VWC2: variants seen among roughly 807,000 people sequenced by gnomAD.
VWC2 encodes the protein von Willebrand factor C domain containing 2.
VWC2 carries 14 observed loss-of-function variants against 29.8 expected under a neutral mutation model. That is an observed-to-expected ratio of 0.47 (90% CI 0.31 to 0.74). The LOEUF is 0.74. Ranked by LOEUF, VWC2 falls within the 30% of genes least tolerant of loss-of-function variation. The pLI is 0.05. For missense variants in VWC2, 457 were observed against 459.8 expected (o/e 0.99, Z 0.05); for synonymous variants, 213 against 199.0 (o/e 1.07, Z -0.59).
At chr7:49,888,995 T>C (rs757937523) in intron 3 of VWC2, among the ~76,000 whole-genome samples, 14 of 152,034 alleles carry the variant, frequency 9.2e-5, no homozygotes, top group African/African-American at 2.7e-4. Flanking sequence ...GGATGACCCA[T>C]TGGGCTGACG....
chr7:49,904,307 A>T (rs1464659275), intron 3 of VWC2, among the ~76,000 whole-genome samples: 1 of 152,206 alleles, frequency 6.6e-6, no homozygotes, highest in Non-Finnish European at 1.5e-5. Flanking sequence ...TCACTCCTGT[A>T]TTATTCTATA....
At chr7:49,789,240 AGT>A (rs111613744) in intron 2 of VWC2, among the ~76,000 whole-genome samples, 140 of 130,262 alleles carry the variant, frequency 1.1e-3, no homozygotes, top group African/African-American at 2.7e-3. Flanking sequence ...TGTGTGAAAG[AGT>A]GTAGGTGTGG....
chr7:49,827,781 C>G (rs1789438822), intron 3 of VWC2, among the ~76,000 whole-genome samples: 1 of 152,110 alleles, frequency 6.6e-6, no homozygotes, highest in Non-Finnish European at 1.5e-5. Context: ...ATTGGTATAG[C>G]CTTCTCTGGA....
At chr7:49,848,505 A>G (rs2128715661) in intron 3 of VWC2, among the ~76,000 whole-genome samples, 1 of 152,296 alleles carries the variant, frequency 6.6e-6, no homozygotes, top group East Asian at 1.9e-4. Flanking sequence ...ACTGTTGCTC[A>G]GTGAGCCCAG....
At chr7:49,789,164 T>C (rs377042468) in intron 2 of VWC2, among the ~76,000 whole-genome samples, 1 of 144,948 alleles carries the variant, frequency 6.9e-6, no homozygotes, top group East Asian at 2.0e-4. Context: ...TGTGGCTGTA[T>C]GTGTGTGTTA....
chr7:49,821,970 A>G (rs1789271029), intron 3 of VWC2, among the ~76,000 whole-genome samples: 1 of 152,208 alleles, frequency 6.6e-6, no homozygotes, highest in African/African-American at 2.4e-5. Flanking sequence ...AAATATTCTT[A>G]TAAACCCATC....
chr7:49,845,493 G>A (rs935312600), intron 3 of VWC2, among the ~76,000 whole-genome samples: 1 of 152,138 alleles, frequency 6.6e-6, no homozygotes, highest in Non-Finnish European at 1.5e-5. Context: ...AAAAAACACT[G>A]AAATGTAGAA....
chr7:49,831,812 A>C (rs1427307011), intron 3 of VWC2, among the ~76,000 whole-genome samples: 1 of 152,196 alleles, frequency 6.6e-6, no homozygotes, highest in Non-Finnish European at 1.5e-5. Context: ...TTTTTACAAT[A>C]ATAAAAGACT....
chr7:49,904,668 A>T (rs1300064932), intron 3 of VWC2, among the ~76,000 whole-genome samples: 1 of 152,158 alleles, frequency 6.6e-6, no homozygotes, highest in African/African-American at 2.4e-5. Context: ...TACCTATTAC[A>T]AGAGCAGTAA....
intron 3 of VWC2, among the ~76,000 whole-genome samples, chr7:49,895,566 C>T (rs1348449560): frequency 6.6e-6 from 1 of 152,156 alleles, no homozygotes; most frequent in African/African-American, 2.4e-5. Flanking sequence ...AGCATTATAT[C>T]CTATAGCAAT....
At chr7:49,821,528 G>A (rs939667341) in intron 3 of VWC2, among the ~76,000 whole-genome samples, 1 of 152,020 alleles carries the variant, frequency 6.6e-6, no homozygotes, top group East Asian at 1.9e-4. Context: ...CTACTACATT[G>A]ACTCCAATAG....
rs1390455191 is a variant in VWC2, at chr7:49,917,443, T to C, written c.*5258T>C. 1 of 152,204 alleles carries C rather than the reference T, an allele frequency of 6.6e-6. No individual in the cohort carries two copies. Among genetic ancestry groups the C allele is most frequent in the Non-Finnish European group, 1.5e-5 (1 of 68,026 alleles). The allele number at this position is 152,204 out of a possible 1,614,324, so 9.4% of individuals were successfully genotyped here. ...AAATGTGCTCTCAGTGCTTGGCCCATGAGCAGTTTATGATTTAAGACGTGC... is the reference window on the plus strand; with the variant it reads ...AAATGTGCTCTCAGTGCTTGGCCCACGAGCAGTTTATGATTTAAGACGTGC... On this transcript the variant is annotated 3_prime_UTR_variant, in exon 4 of 4. Coordinates refer to ENST00000340652, the MANE Select transcript of VWC2 (RefSeq NM_198570.5).
intron 3 of VWC2, among the ~76,000 whole-genome samples, chr7:49,872,751 C>CAAAAAA (rs34987652): frequency 4.5e-4 from 55 of 122,060 alleles, no homozygotes; most frequent in Non-Finnish European, 7.6e-4. Flanking sequence ...ACAAAAAATA[C>CAAAAAA]AAAAAAAAAA....
intron 3 of VWC2, among the ~76,000 whole-genome samples, chr7:49,824,939 T>C (rs1489817997): frequency 6.6e-6 from 1 of 152,164 alleles, no homozygotes; most frequent in Non-Finnish European, 1.5e-5. Flanking sequence ...GTTATTTTTC[T>C]GTTTCTTTTT....
chr7:49,917,156 C>A lies in VWC2; in HGVS notation c.*4971C>A, dbSNP rs1319050566. Reference sequence around the variant, plus strand: ...TCAGTAGGTATCTAGTGAACTGATACAATAATGAGCTGAGTCATTTGTACA... The same window carrying A: ...TCAGTAGGTATCTAGTGAACTGATAAAATAATGAGCTGAGTCATTTGTACA... On this transcript the variant is annotated 3_prime_UTR_variant, in exon 4 of 4. Transcript: ENST00000340652. 2 of 152,082 alleles carry A rather than the reference C, an allele frequency of 1.3e-5. No homozygotes were observed. The highest frequency in any genetic ancestry group is 2.9e-5 in the Non-Finnish European group (2 of 68,016). The allele number at this position is 152,082 out of a possible 1,614,324, so 9.4% of individuals were successfully genotyped here.
chr7:49,864,673 C>A (rs969749062), intron 3 of VWC2, among the ~76,000 whole-genome samples: 1 of 152,210 alleles, frequency 6.6e-6, no homozygotes, highest in Non-Finnish European at 1.5e-5. Context: ...CAGAGGCCTG[C>A]ATCTTCTGTT....
intron 2 of VWC2, among the ~76,000 whole-genome samples, chr7:49,800,538 G>C (rs997952195): frequency 2.0e-5 from 3 of 152,034 alleles, no homozygotes; most frequent in African/African-American, 7.3e-5. Context: ...ATCTCTATAG[G>C]GGGATGGTGC....
intron 3 of VWC2, among the ~76,000 whole-genome samples, chr7:49,807,020 G>A (rs1439685163): frequency 2.0e-5 from 3 of 152,086 alleles, no homozygotes; most frequent in African/African-American, 7.2e-5. Flanking sequence ...AGAAATAGAA[G>A]TGAATTAAAA....
chr7:49,848,383 G>A (rs773088764), intron 3 of VWC2, among the ~76,000 whole-genome samples: 5 of 152,198 alleles, frequency 3.3e-5, no homozygotes, highest in East Asian at 1.9e-4. Flanking sequence ...AGCAGGCGAC[G>A]CCCTGCAGTG....
Sources: allele counts gnomAD v4.1 joint callset (sites outside exome capture counted in the v4.1 genomes callset), GRCh38; gene constraint gnomAD v4.1.1; transcripts MANE v1.5; gene names NCBI Gene and HGNC (gene_info 2026-07-23, HGNC 2026-07-21).